MTUS2: variants seen among roughly 807,000 people sequenced by gnomAD.
MTUS2 encodes the protein microtubule associated scaffold protein 2.
In MTUS2, 40 loss-of-function variants were observed where a neutral mutation model predicts 114.1. That is an observed-to-expected ratio of 0.35 (90% CI 0.27 to 0.46). The LOEUF (loss-of-function observed/expected upper bound fraction) is 0.46, where lower values mean the gene tolerates loss of function less well. MTUS2 is among the 20% of genes least tolerant of loss of function. The pLI, the probability that MTUS2 is intolerant of heterozygous loss-of-function variation, is 1.00. For synonymous variants in MTUS2, 688 were observed against 672.0 expected (o/e 1.02, Z -0.37); for missense variants, 1,679 against 1,705.4 (o/e 0.98, Z 0.27).
chr13:29,446,317 T>C (rs1261230639), intron 9 of MTUS2, among the ~76,000 whole-genome samples: 1 of 152,184 alleles, frequency 6.6e-6, no homozygotes, highest in African/African-American at 2.4e-5. Context: ...TTAGGGCTGG[T>C]CCAGACCAGA....
At chr13:29,393,644 C>G (rs1482267893) in intron 8 of MTUS2, among the ~76,000 whole-genome samples, 1 of 152,192 alleles carries the variant, frequency 6.6e-6, no homozygotes, top group African/African-American at 2.4e-5. Flanking sequence ...ATATCTGAGA[C>G]AAGTCTCAGT....
At chr13:28,912,207 C>T (rs1880480902) in intron 2 of MTUS2, among the ~76,000 whole-genome samples, 1 of 152,072 alleles carries the variant, frequency 6.6e-6, no homozygotes, top group South Asian at 2.1e-4. Flanking sequence ...GGAAAGGTTC[C>T]AATTTCAAAT....
chr13:29,116,671 A>AT (rs1891101527), intron 5 of MTUS2, among the ~76,000 whole-genome samples: 1 of 152,182 alleles, frequency 6.6e-6, no homozygotes, highest in South Asian at 2.1e-4. Flanking sequence ...CTTAAGTAAC[A>AT]TAAGGGTTCC....
intron 5 of MTUS2, among the ~76,000 whole-genome samples, chr13:29,209,491 G>GT (rs760267271): frequency 6.2e-4 from 88 of 141,954 alleles, no homozygotes; most frequent in Middle Eastern, 3.8e-3. Context: ...ATACCTTGTT[G>GT]TTTTTTTTTT....
At chr13:28,897,790 A>T in intron 2 of MTUS2, among the ~76,000 whole-genome samples, 1 of 152,094 alleles carries the variant, frequency 6.6e-6, no homozygotes, top group Admixed American at 6.6e-5. Flanking sequence ...TTCTCAGCAT[A>T]CTATCACAAG....
chr13:29,502,442 C>T (rs1403774208), intron 15 of MTUS2, among the ~76,000 whole-genome samples: 7 of 152,252 alleles, frequency 4.6e-5, no homozygotes, highest in Admixed American at 4.6e-4. Flanking sequence ...TGGCCTCTGT[C>T]CTCCGGAGCT....
At chr13:29,417,214 GTGAGGTGCAGGC>G (rs1875733806) in intron 8 of MTUS2, among the ~76,000 whole-genome samples, 1 of 152,140 alleles carries the variant, frequency 6.6e-6, no homozygotes, top group South Asian at 2.1e-4. Flanking sequence ...AGAGAGAAGA[GTGAGGTGCAGGC>G]TTATTAAATG....
At chr13:29,184,954 A>C (rs939286734) in intron 5 of MTUS2, among the ~76,000 whole-genome samples, 1 of 152,206 alleles carries the variant, frequency 6.6e-6, no homozygotes, top group African/African-American at 2.4e-5. Context: ...CTAGTTGGAC[A>C]TACAAAACAA....
At chr13:29,320,024 T>C (rs1452524266) in intron 6 of MTUS2, among the ~76,000 whole-genome samples, 2 of 152,170 alleles carry the variant, frequency 1.3e-5, no homozygotes, top group East Asian at 3.9e-4. Context: ...TATGTCCATG[T>C]ATGAATCACC....
In MTUS2 at chr13:28,991,166, T is replaced by A. The variant is rs368946694; in HGVS notation, c.-242-33291T>A. Among the ~76,000 whole-genome samples the A allele has an allele frequency of 2.6e-5, 4 of 152,196 alleles. No homozygotes were observed. The East Asian group carries it at 5.8e-4, about 22-fold the overall frequency. ...GCTTGAGGGCTAGACTTTTAAGAAT[T>A]TTTGCTCATTTAAGACTGCTGCTAT... On this transcript the variant is annotated intron_variant, in intron 2 of 15. Coordinates refer to ENST00000612955, the MANE Select transcript of MTUS2 (RefSeq NM_001033602.4).
intron 5 of MTUS2, among the ~76,000 whole-genome samples, chr13:29,216,280 T>G (rs750226306): frequency 1.1e-4 from 16 of 152,214 alleles, no homozygotes; most frequent in Non-Finnish European, 2.2e-4. Context: ...GCAGCGAGTA[T>G]TTCAAGCCAG....
At chr13:29,251,210 C>G (rs187381106) in intron 5 of MTUS2, among the ~76,000 whole-genome samples, 2 of 152,008 alleles carry the variant, frequency 1.3e-5, no homozygotes, top group Admixed American at 1.3e-4. Flanking sequence ...CCTTGAAGTT[C>G]AAATCCAAAC....
At chr13:29,211,637 C>G (rs1438203124) in intron 5 of MTUS2, among the ~76,000 whole-genome samples, 1 of 152,172 alleles carries the variant, frequency 6.6e-6, no homozygotes, top group African/African-American at 2.4e-5. Flanking sequence ...CCCACTGCTT[C>G]CCCTACCCCT....
At chr13:28,838,013 G>A (rs1410012188) in intron 1 of MTUS2, among the ~76,000 whole-genome samples, 5 of 152,030 alleles carry the variant, frequency 3.3e-5, no homozygotes, top group African/African-American at 7.3e-5. Context: ...CTTTGACTTC[G>A]TCACCACCAT....
intron 5 of MTUS2, among the ~76,000 whole-genome samples, chr13:29,230,999 A>G (rs759771748): frequency 1.1e-4 from 16 of 152,156 alleles, no homozygotes; most frequent in Non-Finnish European, 2.2e-4. Context: ...CCATAATCTG[A>G]TTTTATATAG....
At chr13:29,408,060 A>G (rs928912079) in intron 8 of MTUS2, among the ~76,000 whole-genome samples, 1 of 152,116 alleles carries the variant, frequency 6.6e-6, no homozygotes, top group East Asian at 1.9e-4. Flanking sequence ...AATAGTTTCT[A>G]CATATTCTGG....
intron 2 of MTUS2, among the ~76,000 whole-genome samples, chr13:28,956,467 C>T (rs1883072416): frequency 6.6e-6 from 1 of 152,100 alleles, no homozygotes; most frequent in Non-Finnish European, 1.5e-5. Context: ...ATGAAACATC[C>T]CAGTAAAACT....
At chr13:29,047,512 CTTTTT>C (rs11367692) in intron 4 of MTUS2, among the ~76,000 whole-genome samples, 1 of 135,776 alleles carries the variant, frequency 7.4e-6, no homozygotes, top group Admixed American at 7.4e-5. Flanking sequence ...AAAATTTACT[CTTTTT>C]TTTTTTTTTT....
At chr13:28,974,615 G>A (rs1183085723) in intron 2 of MTUS2, among the ~76,000 whole-genome samples, 2 of 152,078 alleles carry the variant, frequency 1.3e-5, no homozygotes, top group Non-Finnish European at 2.9e-5. Context: ...TATATAATAG[G>A]TTCATAATAA....
Sources: allele counts gnomAD v4.1 joint callset (sites outside exome capture counted in the v4.1 genomes callset), GRCh38; gene constraint gnomAD v4.1.1; transcripts MANE v1.5; gene names NCBI Gene and HGNC (gene_info 2026-07-23, HGNC 2026-07-21).